The following NPHP1 variants were observed in gnomAD, a reference collection of about 807,000 sequenced individuals.
The protein encoded by NPHP1 is nephrocystin-1.
A neutral mutation model predicts 90.4 loss-of-function variants in NPHP1; 70 were observed. The observed-to-expected ratio is 0.77, with a 90% CI of 0.64 to 0.95. NPHP1 has a LOEUF of 0.95. Ranked by LOEUF, NPHP1 falls within the 40% of genes least tolerant of loss-of-function variation. NPHP1 has a pLI of 0.00. For synonymous variants in NPHP1, 256 were observed against 271.7 expected, an observed-to-expected ratio of 0.94 and a Z score of 0.57; for missense variants, 764 against 795.9, an observed-to-expected ratio of 0.96 and a Z score of 0.48.
intron 16 of NPHP1, among the ~76,000 whole-genome samples, chr2:110,132,482 A>G (rs1302455116): frequency 6.6e-6 from 1 of 152,120 alleles, no homozygotes; most frequent in Non-Finnish European, 1.5e-5. Flanking sequence ...TGGTGAAACC[A>G]TATCTCTGCT....
chr2:110,147,933 T>C lies in NPHP1; in HGVS notation c.1252A>G (p.Ile418Val), dbSNP rs577560349. The C allele has an allele frequency of 2.3e-5, 36 of 1,589,924 alleles. No individual in the cohort carries two copies. In the East Asian group the frequency reaches 6.3e-4, roughly 28 times the overall value. Residue 418 changes from isoleucine to valine, a missense_variant, in exon 13 of 20, where the codon ATT becomes GTT. Coordinates refer to ENST00000445609, the MANE Select transcript of NPHP1 (RefSeq NM_001128178.3). ...PDLGILFELGISYIRNSTGER... is the reference protein window; with the variant it reads ...PDLGILFELGVSYIRNSTGER... ...GGACATACATTGCGAATATAAGAAA[T>C]TCCAAGTTCAAATAATATTCCAAGA...
intron 18 of NPHP1, chr2:110,126,434 C>G (rs1679374560): frequency 6.6e-6 from 1 of 152,318 alleles, no homozygotes; most frequent in African/African-American, 2.4e-5. Flanking sequence ...TAAAGAGATT[C>G]TCCATAAAAT....
At chr2:110,169,034 G>T (rs1018828551) in intron 5 of NPHP1, among the ~76,000 whole-genome samples, 1 of 151,950 alleles carries the variant, frequency 6.6e-6, no homozygotes, top group African/African-American at 2.4e-5. Context: ...CACCAGATAT[G>T]TTTTGAATAA....
At chr2:110,142,606 C>A (rs1680728423) in intron 16 of NPHP1, among the ~76,000 whole-genome samples, 1 of 152,026 alleles carries the variant, frequency 6.6e-6, no homozygotes, top group Admixed American at 6.6e-5. Flanking sequence ...ACCACCTCCA[C>A]CTCCCAAAGT....
At chr2:110,204,241 A>G (rs1310176382) in intron 1 of NPHP1, among the ~76,000 whole-genome samples, 1 of 152,216 alleles carries the variant, frequency 6.6e-6, no homozygotes, top group Non-Finnish European at 1.5e-5. Context: ...TGCCTGCTTC[A>G]TCACACCTTC....
At chr2:110,135,125 C>T (rs1052665415) in intron 16 of NPHP1, among the ~76,000 whole-genome samples, 3 of 151,830 alleles carry the variant, frequency 2.0e-5, no homozygotes, top group Non-Finnish European at 4.4e-5. Context: ...ACGTAAAAAT[C>T]GTACTTTATA....
At chr2:110,141,972 CAAAAAAAAA>C (rs397934223) in intron 16 of NPHP1, among the ~76,000 whole-genome samples, 1 of 94,274 alleles carries the variant, frequency 1.1e-5, no homozygotes, top group Non-Finnish European at 2.2e-5. Context: ...GACTCTGTCT[CAAAAAAAAA>C]AAAAAAAAGA....
chr2:110,195,986 C>A (rs1215850616), intron 2 of NPHP1, among the ~76,000 whole-genome samples: 2 of 152,098 alleles, frequency 1.3e-5, no homozygotes, highest in Non-Finnish European at 2.9e-5. Context: ...TTCCTTACAC[C>A]TTATACAAAA....
chr2:110,200,777 T>C (rs1458434797), intron 2 of NPHP1, among the ~76,000 whole-genome samples: 3 of 152,190 alleles, frequency 2.0e-5, no homozygotes, highest in Non-Finnish European at 4.4e-5. Flanking sequence ...TAAATTCATT[T>C]GACATTTCAA....
chr2:110,166,917 T>C (rs1682768905), intron 6 of NPHP1, among the ~76,000 whole-genome samples: 1 of 152,114 alleles, frequency 6.6e-6, no homozygotes, highest in African/African-American at 2.4e-5. Flanking sequence ...GCTAGTGAGC[T>C]CTTGAAATTA....
chr2:110,184,550 C>A, intron 2 of NPHP1: 1 of 1,307,876 alleles, frequency 7.6e-7, no homozygotes, highest in Non-Finnish European at 1.1e-6. Flanking sequence ...ATGGCATCAC[C>A]CATGCTGTGC....
chr2:110,185,234 G>A (rs956641519), intron 2 of NPHP1: 18 of 508,804 alleles, frequency 3.5e-5, no homozygotes, highest in African/African-American at 7.8e-5. Flanking sequence ...TTTAAAACTC[G>A]CTTTGTTGAG....
intron 13 of NPHP1, among the ~76,000 whole-genome samples, chr2:110,147,652 G>T (rs1434209398): frequency 6.6e-6 from 1 of 152,096 alleles, no homozygotes; most frequent in African/African-American, 2.4e-5. Context: ...CTCACTTTCT[G>T]CAAAGTCCCA....
In NPHP1 at chr2:110,146,343, G is replaced by A. The variant is rs149123600; in HGVS notation, c.1352+410C>T. ...GATCTTAAAGTTTAAATCATTTACC[G>A]TGGTTGCCACTGTGATTTCAATGTC... On this transcript the variant is annotated intron_variant, in intron 14 of 19. Coordinates refer to ENST00000445609, the MANE Select transcript of NPHP1 (RefSeq NM_001128178.3). Among the ~76,000 whole-genome samples the A allele has an allele frequency of 9.0e-4, 137 of 152,022 alleles. 1 individual carries two copies. In the East Asian group the frequency reaches 0.015, roughly 16 times the overall value.
At chr2:110,138,725 G>A (rs955757899) in intron 16 of NPHP1, among the ~76,000 whole-genome samples, 10 of 152,076 alleles carry the variant, frequency 6.6e-5, no homozygotes, top group Non-Finnish European at 1.5e-4. Flanking sequence ...TCAGCTGCAT[G>A]CCCAAACTCA....
At chr2:110,131,107 A>G (rs1304172481) in intron 17 of NPHP1, among the ~76,000 whole-genome samples, 1 of 152,188 alleles carries the variant, frequency 6.6e-6, no homozygotes. Flanking sequence ...ACTATAACAC[A>G]TGCATTTATC....
At position 110,144,517 on chromosome 2, in the gene NPHP1, C is replaced by G. The variant is rs773100912; in HGVS notation, c.1405G>C (p.Val469Leu). ...GGTPYEKGIE[V>L]DPSISRRAHG... ...CCTCTTCTGGATATTGAAGGGTCCA[C>G]TTCAATACCTTTTTCATAAGGAGTA... Residue 469 changes from valine to leucine, a missense_variant, in exon 15 of 20, where the codon GTG becomes CTG. Transcript: ENST00000445609. 6.2e-7 allele frequency: 1 copy of G among 1,606,954 alleles called. No individual in the cohort carries two copies. The highest frequency in any genetic ancestry group is 2.2e-5 in the East Asian group (1 of 44,730).
intron 2 of NPHP1, among the ~76,000 whole-genome samples, chr2:110,191,211 C>T (rs973730760): frequency 6.6e-6 from 1 of 152,176 alleles, no homozygotes; most frequent in Admixed American, 6.5e-5. Context: ...TGAAGCAGGG[C>T]GAGGCATTGC....
chr2:110,176,378 T>C (rs1244984230), intron 4 of NPHP1, among the ~76,000 whole-genome samples: 1 of 152,178 alleles, frequency 6.6e-6, no homozygotes, highest in African/African-American at 2.4e-5. Flanking sequence ...TTCTTTACTG[T>C]ATTAATCATT....
Sources: gnomAD v4.1 joint callset for allele counts (sites outside exome capture counted in the v4.1 genomes callset) on GRCh38, gnomAD v4.1.1 for gene constraint, MANE v1.5 for transcripts, NCBI Gene and HGNC (gene_info 2026-07-23, HGNC 2026-07-21) for gene names.